Variants in MYO10 observed in about 807,000 individuals in gnomAD.
The protein encoded by MYO10 is unconventional myosin-X.
MYO10 carries 133 observed loss-of-function variants against 257.3 expected under a neutral mutation model. The observed-to-expected ratio is 0.52, with a 90% CI of 0.45 to 0.60. MYO10 has a LOEUF of 0.60. Among genes scored for constraint, MYO10 ranks in the 20% least tolerant of loss-of-function variants. The pLI is 0.00. For missense variants in MYO10, 2,399 were observed against 2,635.7 expected, an observed-to-expected ratio of 0.91 and a Z score of 1.97; for synonymous variants, 1,104 against 1,028.6, an observed-to-expected ratio of 1.07 and a Z score of -1.40.
chr5:16,827,309 G>A (rs1242248030), intron 2 of MYO10, among the ~76,000 whole-genome samples: 5 of 151,846 alleles, frequency 3.3e-5, no homozygotes, highest in South Asian at 2.1e-4. Flanking sequence ...TTTTGGAGAC[G>A]GAGTCTCACT....
chr5:16,763,207 G>GGCAAGGCT (rs1366417568), intron 14 of MYO10, among the ~76,000 whole-genome samples: 1 of 151,996 alleles, frequency 6.6e-6, no homozygotes, highest in African/African-American at 2.4e-5. Flanking sequence ...TATTGGTACT[G>GGCAAGGCT]GCAAGGCTTT....
rs571082197 is a variant in MYO10, at chr5:16,689,564, TGA to T, written c.3896+258_3896+259del. Reference sequence around the variant, plus strand: ...CACGCTACCGGTGACAGTAACAGCCTGAGAGACAGGTGACAATGGATCTGTCT... The same window carrying T: ...CACGCTACCGGTGACAGTAACAGCCTGAGACAGGTGACAATGGATCTGTCT... On this transcript the variant is annotated intron_variant, in intron 28 of 40. Transcript: ENST00000513610. Among the ~76,000 whole-genome samples the T allele has an allele frequency of 7.3e-3, 1,117 of 152,064 alleles. 4 individuals carry two copies. The highest frequency in any genetic ancestry group is 0.01 in the Non-Finnish European group (680 of 67,990).
chr5:16,770,203 C>T (rs1218315445), intron 9 of MYO10, among the ~76,000 whole-genome samples: 2 of 151,974 alleles, frequency 1.3e-5, no homozygotes, highest in African/African-American at 2.4e-5. Flanking sequence ...GTACTCCAGC[C>T]TGGGAGCCTG....
chr5:16,749,605 G>A (rs1740324088), intron 19 of MYO10, among the ~76,000 whole-genome samples: 1 of 152,160 alleles, frequency 6.6e-6, no homozygotes, highest in African/African-American at 2.4e-5. Context: ...TCTGGAGAAG[G>A]CTGGACTGAA....
chr5:16,890,265 C>T (rs146958429), intron 1 of MYO10, among the ~76,000 whole-genome samples: 4 of 151,860 alleles, frequency 2.6e-5, no homozygotes, highest in South Asian at 2.1e-4. Context: ...GAAACTAGAA[C>T]CCTCGTGCAC....
intron 1 of MYO10, among the ~76,000 whole-genome samples, chr5:16,885,940 T>C (rs953258397): frequency 6.6e-6 from 1 of 152,110 alleles, no homozygotes; most frequent in African/African-American, 2.4e-5. Flanking sequence ...CCCATAGCAG[T>C]CGGTGGCCTT....
intron 2 of MYO10, among the ~76,000 whole-genome samples, chr5:16,852,970 T>C (rs1011358474): frequency 2.6e-5 from 4 of 151,786 alleles, no homozygotes; most frequent in Non-Finnish European, 4.4e-5. Flanking sequence ...CTAGTGAGGG[T>C]AGAACTAGGA....
chr5:16,791,040 G>T (rs1741736696), intron 4 of MYO10, among the ~76,000 whole-genome samples: 1 of 152,068 alleles, frequency 6.6e-6, no homozygotes, highest in Admixed American at 6.6e-5. Flanking sequence ...ATCAAAGGAA[G>T]AGGCTTGGAC....
At chr5:16,691,900 C>T (rs568579751) in intron 27 of MYO10, among the ~76,000 whole-genome samples, 5 of 152,146 alleles carry the variant, frequency 3.3e-5, no homozygotes, top group Non-Finnish European at 5.9e-5. Context: ...CGTTCAAACA[C>T]ATGCCCATAT....
At chr5:16,675,875 A>C (rs1463103902) in intron 34 of MYO10, among the ~76,000 whole-genome samples, 156 bp downstream of exon 34, 1 of 152,256 alleles carries the variant, frequency 6.6e-6, no homozygotes, top group Admixed American at 6.5e-5. Context: ...TCTTGCTTTA[A>C]TAATGAATCT....
chr5:16,702,704 C>A, intron 23 of MYO10, 116 bp from the exon 24 acceptor site: 1 of 1,047,316 alleles, frequency 9.5e-7, no homozygotes, highest in East Asian at 2.6e-5. Context: ...AAAGACAGAG[C>A]CCCTTCCTCT....
At chr5:16,740,358 A>G (rs1227851653) in intron 19 of MYO10, among the ~76,000 whole-genome samples, 2 of 152,126 alleles carry the variant, frequency 1.3e-5, no homozygotes, top group African/African-American at 4.8e-5. Flanking sequence ...AGGGGAAAAA[A>G]AAATATCTCA....
chr5:16,765,101 AT>A (rs763081042), intron 11 of MYO10, among the ~76,000 whole-genome samples: 9 of 152,160 alleles, frequency 5.9e-5, no homozygotes, highest in Non-Finnish European at 1.3e-4. Context: ...ATTTTCATTT[AT>A]CCAATTAAAA....
rs147743234 is a variant in MYO10 at position 16,794,852 on chromosome 5, A to G, written c.280-19T>C. The G allele has an allele frequency of 1.4e-6, 2 of 1,456,324 alleles. No individual in the cohort carries two copies. The highest frequency in any genetic ancestry group is 2.8e-5 in the African/African-American group (2 of 70,230). 90.2% of individuals were successfully genotyped at this position (1,456,324 alleles called of 1,614,324 possible). The stretch of plus-strand genomic sequence containing the variant: ...TGTAGGTCTGCAAGCACAGAGTGAG[A>G]CAGGGATGCGTCACTTCTAACCCAG... On this transcript the variant is annotated intron_variant, in intron 3 of 40. Coordinates refer to ENST00000513610, the MANE Select transcript of MYO10 (RefSeq NM_012334.3).
In MYO10 at chr5:16,936,210, A is replaced by G. The variant is rs1405573647; in HGVS notation, c.-402T>C. ...GAGGACAGCGGGCCGCAAAGTGAGC[A>G]GGAGCCGCGATCCCCGCGCGAGCGC... On this transcript the variant is annotated 5_prime_UTR_variant, in exon 1 of 41. Transcript: ENST00000513610. 2 of 209,534 alleles carry G rather than the reference A, an allele frequency of 9.5e-6. No homozygotes were observed. Among genetic ancestry groups the G allele is most frequent in the Non-Finnish European group, 1.9e-5 (2 of 104,966 alleles). The allele number at this position is 209,534 out of a possible 1,614,324, so 13.0% of individuals were successfully genotyped here. A position where few individuals can be genotyped will look rare whatever the true frequency, so the allele number is the denominator to read the frequency against.
At chr5:16,815,459 T>C (rs1742575989) in intron 3 of MYO10, 2 of 701,320 alleles carry the variant, frequency 2.9e-6, no homozygotes, top group South Asian at 3.0e-5. Context: ...TCAACCTATC[T>C]GCACCTACAA....
chr5:16,864,950 T>C (rs1175063779), intron 2 of MYO10, among the ~76,000 whole-genome samples: 1 of 152,078 alleles, frequency 6.6e-6, no homozygotes, highest in Non-Finnish European at 1.5e-5. Context: ...ATCTCTGGAG[T>C]ATAGACCGCT....
At chr5:16,899,903 C>G (rs1375492096) in intron 1 of MYO10, among the ~76,000 whole-genome samples, 1 of 145,370 alleles carries the variant, frequency 6.9e-6, no homozygotes, top group African/African-American at 2.6e-5. Flanking sequence ...GAGGCTGAGG[C>G]AGGAGAATTG....
At chr5:16,720,284 T>C (rs1739099904) in intron 19 of MYO10, among the ~76,000 whole-genome samples, 1 of 152,196 alleles carries the variant, frequency 6.6e-6, no homozygotes, top group Non-Finnish European at 1.5e-5. Context: ...CAATTGCCTT[T>C]ACTGCCTTAA....
Sources: allele counts gnomAD v4.1 joint callset (sites outside exome capture counted in the v4.1 genomes callset), GRCh38; gene constraint gnomAD v4.1.1; transcripts MANE v1.5; gene names NCBI Gene and HGNC (gene_info 2026-07-23, HGNC 2026-07-21).